Variants in LRRTM4 observed in about 807,000 individuals in gnomAD.
LRRTM4 encodes the protein leucine rich repeat transmembrane neuronal 4, also known as leucine-rich repeat transmembrane neuronal protein 4.
A neutral mutation model predicts 47.6 loss-of-function variants in LRRTM4; 25 were observed. That is an observed-to-expected ratio of 0.53 (90% CI 0.38 to 0.73). The LOEUF (loss-of-function observed/expected upper bound fraction) is 0.73. Ranked by LOEUF, LRRTM4 falls within the 30% of genes least tolerant of loss-of-function variation. The pLI is 0.00. For missense variants in LRRTM4, 638 were observed against 713.4 expected (o/e 0.89, Z 1.20); for synonymous variants, 311 against 269.5 (o/e 1.15, Z -1.51).
At chr2:76,976,414 A>C (rs1676419639) in intron 3 of LRRTM4, among the ~76,000 whole-genome samples, 1 of 151,702 alleles carries the variant, frequency 6.6e-6, no homozygotes, top group Non-Finnish European at 1.5e-5. Context: ...CATTTCATTA[A>C]AAAAAATAAA....
chr2:76,890,035 G>C (rs929027723), intron 3 of LRRTM4, among the ~76,000 whole-genome samples: 11 of 151,876 alleles, frequency 7.2e-5, no homozygotes, highest in African/African-American at 2.7e-4. Context: ...AAAGATTTGA[G>C]ATCATTTGGA....
chr2:77,283,516 C>G (rs1676562632), intron 3 of LRRTM4, among the ~76,000 whole-genome samples: 1 of 152,042 alleles, frequency 6.6e-6, no homozygotes, highest in Non-Finnish European at 1.5e-5. Flanking sequence ...AAAATACCTG[C>G]ATTCAGATGT....
chr2:77,351,205 A>C (rs1671756485), intron 3 of LRRTM4, among the ~76,000 whole-genome samples: 1 of 152,078 alleles, frequency 6.6e-6, no homozygotes, highest in African/African-American at 2.4e-5. Context: ...GTTTGCTAAG[A>C]ATAATAACCG....
At chr2:77,332,549 C>T (rs894769916) in intron 3 of LRRTM4, among the ~76,000 whole-genome samples, 10 of 152,110 alleles carry the variant, frequency 6.6e-5, no homozygotes, top group African/African-American at 2.2e-4. Flanking sequence ...TTCCATCTGG[C>T]TTCTGTCTTT....
At chr2:77,449,111 T>C (rs1439884873) in intron 3 of LRRTM4, among the ~76,000 whole-genome samples, 1 of 152,200 alleles carries the variant, frequency 6.6e-6, no homozygotes, top group Non-Finnish European at 1.5e-5. Context: ...TTCCCTGTCA[T>C]TGGATAAACA....
chr2:77,332,277 T>C (rs1374053232), intron 3 of LRRTM4, among the ~76,000 whole-genome samples: 1 of 152,128 alleles, frequency 6.6e-6, no homozygotes, highest in Admixed American at 6.5e-5. Flanking sequence ...AAACAATAAA[T>C]ATGTATTTCA....
chr2:77,249,981 T>C (rs1675558730), intron 3 of LRRTM4, among the ~76,000 whole-genome samples: 1 of 152,176 alleles, frequency 6.6e-6, no homozygotes, highest in African/African-American at 2.4e-5. Flanking sequence ...GGTATATAAT[T>C]CAGTGCTGAA....
intron 3 of LRRTM4, among the ~76,000 whole-genome samples, chr2:76,956,403 C>A (rs978381237): frequency 1.3e-5 from 2 of 151,238 alleles, no homozygotes; most frequent in African/African-American, 4.8e-5. Flanking sequence ...TAGAAAATAT[C>A]CTGATAGAAA....
rs567928336 is a variant in LRRTM4, at chr2:77,064,493, T to C, written c.1552-315577A>G. Among the ~76,000 whole-genome samples the C allele has an allele frequency of 1.2e-4, 18 of 152,310 alleles. No homozygotes were observed. In the South Asian group the frequency reaches 1.7e-3, roughly 14 times the overall value. On this transcript the variant is annotated intron_variant, in intron 3 of 3. Transcript: ENST00000409884. ...AGAGTTTCAGGGAAATTGTGACAGA[T>C]GACACATGTACAAATGCTTTTGAAA...
At chr2:76,828,256 A>T (rs1299666778) in intron 3 of LRRTM4, among the ~76,000 whole-genome samples, 1 of 151,894 alleles carries the variant, frequency 6.6e-6, no homozygotes. Context: ...GCTTCCTCCA[A>T]AATTGCAGTA....
chr2:76,941,099 A>T (rs1008570951), intron 3 of LRRTM4, among the ~76,000 whole-genome samples: 2 of 152,194 alleles, frequency 1.3e-5, no homozygotes, highest in African/African-American at 4.8e-5. Context: ...AATGAAGGTG[A>T]GACACAATAA....
chr2:77,350,163 A>C (rs972462016), intron 3 of LRRTM4, among the ~76,000 whole-genome samples: 22 of 150,522 alleles, frequency 1.5e-4, no homozygotes, highest in African/African-American at 4.6e-4. Flanking sequence ...TCTACTAAAA[A>C]AAAATACAAA....
chr2:77,422,772 A>G (rs1674952864), intron 3 of LRRTM4, among the ~76,000 whole-genome samples: 1 of 152,156 alleles, frequency 6.6e-6, no homozygotes, highest in Non-Finnish European at 1.5e-5. Flanking sequence ...TGATGTTGGT[A>G]GCTGGTTCAA....
chr2:77,058,202 T>C (rs1679669874), intron 3 of LRRTM4, among the ~76,000 whole-genome samples: 1 of 152,158 alleles, frequency 6.6e-6, no homozygotes, highest in African/African-American at 2.4e-5. Flanking sequence ...TTGATGTCAT[T>C]TCATAGGTCA....
At chr2:76,961,577 A>G (rs573052092) in intron 3 of LRRTM4, among the ~76,000 whole-genome samples, 1 of 151,498 alleles carries the variant, frequency 6.6e-6, no homozygotes, top group African/African-American at 2.4e-5. Flanking sequence ...TAAGCACTTA[A>G]ACAGAGAGAC....
chr2:77,039,004 C>T (rs895800003), intron 3 of LRRTM4, among the ~76,000 whole-genome samples: 1 of 151,196 alleles, frequency 6.6e-6, no homozygotes, highest in Non-Finnish European at 1.5e-5. Flanking sequence ...AGTCAACAGA[C>T]CTCTAAAAAC....
chr2:77,208,851 A>G lies in LRRTM4; in HGVS notation c.1551+309467T>C, dbSNP rs747681954. Among the ~76,000 whole-genome samples, 5 of 152,308 alleles carry G rather than the reference A, an allele frequency of 3.3e-5. No homozygotes were observed. The East Asian group carries it at 7.7e-4, about 24-fold the overall frequency. On this transcript the variant is annotated intron_variant, in intron 3 of 3. Transcript: ENST00000409884. ...ATTTGCATAATATACTAAAATAATTATATCTTGATGTGAATTAACCCAGTT... is the reference window on the plus strand; with the variant it reads ...ATTTGCATAATATACTAAAATAATTGTATCTTGATGTGAATTAACCCAGTT...
chr2:76,861,842 G>GT (rs1386744926), intron 3 of LRRTM4, among the ~76,000 whole-genome samples: 1 of 152,098 alleles, frequency 6.6e-6, no homozygotes, highest in Non-Finnish European at 1.5e-5. Flanking sequence ...ACTCTTAAAC[G>GT]TAGAATGACA....
intron 3 of LRRTM4, among the ~76,000 whole-genome samples, chr2:76,983,010 C>A (rs1331178371): frequency 6.6e-6 from 1 of 151,952 alleles, no homozygotes; most frequent in Non-Finnish European, 1.5e-5. Flanking sequence ...TTCAAGCTCA[C>A]ATATCAAATT....
Sources: gnomAD v4.1 joint callset for allele counts (sites outside exome capture counted in the v4.1 genomes callset) on GRCh38, gnomAD v4.1.1 for gene constraint, MANE v1.5 for transcripts, NCBI Gene and HGNC (gene_info 2026-07-23, HGNC 2026-07-21) for gene names.